PDHA1: variants seen among roughly 807,000 people sequenced by gnomAD.
PDHA1 encodes the protein pyruvate dehydrogenase E1 subunit alpha 1.
A neutral mutation model predicts 33.0 loss-of-function variants in PDHA1; 1 was observed. The ratio of observed to expected loss-of-function variants is 0.03; its 90% CI spans 0.01 to 0.14. The LOEUF (loss-of-function observed/expected upper bound fraction) is 0.14, where lower values mean the gene tolerates loss of function less well. PDHA1 is among the 10% of genes least tolerant of loss of function. The probability of loss-of-function intolerance (pLI) is 1.00; values close to 1 mark genes in which losing one functional copy is unlikely to be tolerated. For missense variants in PDHA1, 168 were observed against 325.1 expected, an observed-to-expected ratio of 0.52 and a Z score of 3.72; for synonymous variants, 123 against 119.2, an observed-to-expected ratio of 1.03 and a Z score of -0.21.
intron 4 of PDHA1, 60 bp downstream of exon 4, chrX:19,351,467 T>C: frequency 1.0e-6 from 1 of 998,032 alleles, no homozygotes; most frequent in Non-Finnish European, 1.4e-6. Flanking sequence ...ATATCTGTCA[T>C]TAAGATGCTA....
chrX:19,351,795 G>GTTTTTTT lies in PDHA1; in HGVS notation c.418+403_418+409dup, dbSNP rs780357581. Among the ~76,000 whole-genome samples, 34 of 74,355 alleles carry GTTTTTTT rather than the reference G, an allele frequency of 4.6e-4. 1 individual carries two copies. The highest frequency in any genetic ancestry group is 1.9e-3 in the African/African-American group (29 of 15,133). The allele number at this position is 74,355 out of a possible 115,157, so 64.6% of individuals were successfully genotyped here. A position where few individuals can be genotyped will look rare whatever the true frequency, so the allele number is the denominator to read the frequency against. The stretch of plus-strand genomic sequence containing the variant: ...CCGTGACTATTTGTTTGTTTTGGTG[G>GTTTTTTT]TTTTTTTTTTTTTTTTTTTTTGAGA... On this transcript the variant is annotated intron_variant, in intron 4 of 10. Coordinates refer to ENST00000422285, the MANE Select transcript of PDHA1 (RefSeq NM_000284.4).
rs1379058146 is a variant in PDHA1 at position 19,359,671 on chromosome X, G to A, written c.*18G>A. The A allele has an allele frequency of 3.4e-6, 4 of 1,183,130 alleles. No individual in the cohort carries two copies. The highest frequency in any genetic ancestry group is 4.6e-6 in the Non-Finnish European group (4 of 871,352). On this transcript the variant is annotated 3_prime_UTR_variant, in exon 11 of 11. Transcript: ENST00000422285. ...TCAGTTAAGGGGAGGAGAAGGAGAG[G>A]TTATACCTTCAGGGGGCTACCAGAC...
chrX:19,360,622 A>G lies in PDHA1; in HGVS notation c.*969A>G. The G allele has an allele frequency of 3.9e-6, 2 of 508,503 alleles. No individual in the cohort carries two copies. Among genetic ancestry groups the G allele is most frequent in the South Asian group, 6.0e-5 (2 of 33,574 alleles). The allele number at this position is 508,503 out of a possible 1,213,427, so 41.9% of individuals were successfully genotyped here. The stretch of plus-strand genomic sequence containing the variant: ...AGGACAGTATTTAAAACAAGTTCTT[A>G]AACTATTAATTGAACAATGGCATTT... On this transcript the variant is annotated 3_prime_UTR_variant, in exon 11 of 11. Coordinates refer to ENST00000422285, the MANE Select transcript of PDHA1 (RefSeq NM_000284.4).
chrX:19,361,266 G>A lies in PDHA1; in HGVS notation c.*1613G>A. On this transcript the variant is annotated 3_prime_UTR_variant, in exon 11 of 11. Transcript: ENST00000422285. ...AGTTTGGGGGGAGGCCCAGCCCTTT[G>A]TTTTCTGCTCTTGAAGCATATTCAC... 1.1e-6 allele frequency: 1 copy of A among 914,816 alleles called. No individual in the cohort carries two copies. 75.4% of individuals were successfully genotyped at this position (914,816 alleles called of 1,213,427 possible). A position where few individuals can be genotyped will look rare whatever the true frequency, so the allele number is the denominator to read the frequency against.
chrX:19,344,176 A>G, intron 1 of PDHA1, 82 bp downstream of exon 1: 1 of 901,333 alleles, frequency 1.1e-6, no homozygotes, highest in Admixed American at 2.7e-5. Flanking sequence ...AGGCCGGGCC[A>G]CCCAGAGCGG....
intron 1 of PDHA1, among the ~76,000 whole-genome samples, chrX:19,348,257 A>C (rs1376474192): frequency 1.8e-5 from 2 of 112,249 alleles, no homozygotes; most frequent in African/African-American, 6.5e-5. Flanking sequence ...CAGTTGTAAA[A>C]CTGGAAAGGA....
intron 9 of PDHA1, among the ~76,000 whole-genome samples, chrX:19,358,680 A>C (rs2063225023): frequency 8.9e-6 from 1 of 111,985 alleles, no homozygotes; most frequent in African/African-American, 3.2e-5. Context: ...GTTTTCTAGA[A>C]AAGACAGAAG....
chrX:19,359,774 T>G lies in PDHA1; in HGVS notation c.*121T>G. The G allele has an allele frequency of 3.2e-6, 2 of 631,379 alleles. No homozygotes were observed. Among genetic ancestry groups the G allele is most frequent in the Non-Finnish European group, 5.1e-6 (2 of 389,121 alleles). 52.0% of individuals were successfully genotyped at this position (631,379 alleles called of 1,213,427 possible). On this transcript the variant is annotated 3_prime_UTR_variant, in exon 11 of 11. Coordinates refer to ENST00000422285, the MANE Select transcript of PDHA1 (RefSeq NM_000284.4). ...GAAATTCTTGGAAACTTCCATTAAGTGTGTAGATTGAGCAGGTAGTAATTG... is the reference window on the plus strand; with the variant it reads ...GAAATTCTTGGAAACTTCCATTAAGGGTGTAGATTGAGCAGGTAGTAATTG...
In PDHA1 at chrX:19,357,830, A is replaced by G. The variant is rs994182502; in HGVS notation, c.899+111A>G. The stretch of plus-strand genomic sequence containing the variant: ...TTGGAGCTAGATACCAGTTCACTTC[A>G]TGTACGCAGTTGTGTTGGGCATCAA... On this transcript the variant is annotated intron_variant, in intron 9 of 10. Transcript: ENST00000422285. 9.5e-5 allele frequency: 57 copies of G among 602,304 alleles called. No homozygotes were observed. In the African/African-American group the frequency reaches 9.7e-4, roughly 10 times the overall value. The allele number at this position is 602,304 out of a possible 1,213,427, so 49.6% of individuals were successfully genotyped here.
intron 8 of PDHA1, among the ~76,000 whole-genome samples, chrX:19,356,219 C>T (rs1207294087): frequency 8.9e-6 from 1 of 111,795 alleles, no homozygotes; most frequent in Non-Finnish European, 1.9e-5. Flanking sequence ...GGATCTTTCC[C>T]TTTTCAGTGT....
intron 8 of PDHA1, 122 bp from the exon 9 acceptor site, chrX:19,357,513 AAATTCGTGACAACTCAG>A (rs1389944287): frequency 3.5e-6 from 2 of 566,138 alleles, no homozygotes; most frequent in Non-Finnish European, 3.2e-6. Flanking sequence ...AACCAATAAG[AAATTCGTGACAACTCAG>A]AAGATCTGAT....
chrX:19,357,690 C>T lies in PDHA1; in HGVS notation c.870C>T (p.His290=), dbSNP rs761411007. 19 of 1,209,873 alleles carry T rather than the reference C, an allele frequency of 1.6e-5. No homozygotes were observed. The Admixed American group carries it at 2.2e-4, about 14-fold the overall frequency. The change falls in exon 9 of 11, where the codon CAC becomes CAT. Residue 290 remains histidine (H), a synonymous_variant. Coordinates refer to ENST00000422285, the MANE Select transcript of PDHA1 (RefSeq NM_000284.4). ...TGGAGCTGCAGACTTACCGTTACCA[C>T]GGACACAGTATGAGTGACCCTGGAG... ...ILMELQTYRY[H]GHSMSDPGVS... is the part of the protein sequence containing the mutation.
intron 10 of PDHA1, 98 bp from the exon 11 acceptor site, chrX:19,359,391 T>TA (rs1224729580): frequency 8.8e-6 from 6 of 682,357 alleles, no homozygotes; most frequent in Non-Finnish European, 1.4e-5. Context: ...TACTTGTAGT[T>TA]AAAGAGTTAC....
At chrX:19,350,988 G>A (rs1293619819) in intron 3 of PDHA1, among the ~76,000 whole-genome samples, 1 of 111,618 alleles carries the variant, frequency 9.0e-6, no homozygotes, top group Non-Finnish European at 1.9e-5. Flanking sequence ...AAGAGAAGGC[G>A]GAAGTCTGGA....
chrX:19,357,516 T>G (rs2063211126), intron 8 of PDHA1, 136 bp from the exon 9 acceptor site: 3 of 569,071 alleles, frequency 5.3e-6, no homozygotes, highest in Non-Finnish European at 9.6e-6. Flanking sequence ...CAATAAGAAA[T>G]TCGTGACAAC....
At position 19,343,958 on chromosome X, in the gene PDHA1, A is replaced by C; in HGVS notation, c.-80A>C. 2.2e-6 allele frequency: 2 copies of C among 905,392 alleles called. No homozygotes were observed. The highest frequency in any genetic ancestry group is 3.2e-6 in the Non-Finnish European group (2 of 624,192). The allele number at this position is 905,392 out of a possible 1,213,427, so 74.6% of individuals were successfully genotyped here. ...ACTGAGGCGTGGCGTCTGCTGGGGC[A>C]CCTGAAGGAGACTTGGGGGCACCCG... On this transcript the variant is annotated 5_prime_UTR_variant, in exon 1 of 11. Transcript: ENST00000422285.
At position 19,360,556 on chromosome X, in the gene PDHA1, A is replaced by C. The variant is rs1161984509; in HGVS notation, c.*903A>C. The C allele has an allele frequency of 2.7e-6, 1 of 374,771 alleles. No individual in the cohort carries two copies. The highest frequency in any genetic ancestry group is 4.6e-6 in the Non-Finnish European group (1 of 216,530). 30.9% of individuals were successfully genotyped at this position (374,771 alleles called of 1,213,427 possible). The stretch of plus-strand genomic sequence containing the variant: ...AAGGCTCACTGTTTTCACAATACAC[A>C]CAGTTCTATGTTTATAAATAACAGG... On this transcript the variant is annotated 3_prime_UTR_variant, in exon 11 of 11. Coordinates refer to ENST00000422285, the MANE Select transcript of PDHA1 (RefSeq NM_000284.4).
Position 19,361,561 on chromosome X carries a change from G to A in PDHA1, c.*1908G>A, listed in dbSNP as rs770697702. On this transcript the variant is annotated 3_prime_UTR_variant, in exon 11 of 11. Coordinates refer to ENST00000422285, the MANE Select transcript of PDHA1 (RefSeq NM_000284.4). Reference sequence around the variant, plus strand: ...TCTATAAGCTCTTTATCTGTTCTCTGCCCGTAGGGGCCTGCTGGGTTCTCT... The same window carrying A: ...TCTATAAGCTCTTTATCTGTTCTCTACCCGTAGGGGCCTGCTGGGTTCTCT... The A allele has an allele frequency of 1.7e-6, 2 of 1,208,303 alleles. No homozygotes were observed. Among genetic ancestry groups the A allele is most frequent in the Admixed American group, 4.4e-5 (2 of 45,797 alleles).
At position 19,349,312 on chromosome X, in the gene PDHA1, G is replaced by T. The variant is rs773500511; in HGVS notation, c.58G>T (p.Ala20Ser). 2.6e-6 allele frequency: 3 copies of T among 1,170,997 alleles called. No homozygotes were observed. The Admixed American group carries it at 6.5e-5, about 25-fold the overall frequency. The change falls in exon 2 of 11, where the codon GCA becomes TCA. Residue 20 changes from alanine (A) to serine (S), a missense_variant and splice_region_variant. By Grantham distance (99) the Ala-to-Ser change is moderately conservative. This residue lies in a region of PDHA1 where 46 missense variants were observed against 47.4 expected (regional missense o/e 0.97). Transcript: ENST00000422285. ...TGTTTGTATATTTTTGTCTTTTAAG[G>T]CAAGCAGAGTGCTGGTAGCATCCCG... The part of the protein sequence containing the change: ...RVLSGASQKP[A>S]SRVLVASRNF...
Sources: allele counts gnomAD v4.1 joint callset (sites outside exome capture counted in the v4.1 genomes callset), GRCh38; gene constraint gnomAD v4.1.1; regional missense constraint gnomAD v4.1.1; transcripts MANE v1.5; gene names NCBI Gene and HGNC (gene_info 2026-07-23, HGNC 2026-07-21).